GTSF1L: variants seen among roughly 807,000 people sequenced by gnomAD.
GTSF1L encodes the protein gametocyte specific factor 1 like.
A neutral mutation model predicts 1.1 loss-of-function variants in GTSF1L; 1 was observed. The ratio of observed to expected loss-of-function variants is 0.90; its 90% CI spans 0.32 to 4.28. GTSF1L has a LOEUF of 4.28. GTSF1L is among the 30% of genes most tolerant of loss of function. The pLI is 0.17. For synonymous variants in GTSF1L, 62 were observed against 69.3 expected (o/e 0.89, Z 0.53); for missense variants, 169 against 181.9 (o/e 0.93, Z 0.41).
Position 43,726,711 on chromosome 20 carries a change from A to C in GTSF1L, c.-17T>G. The C allele has an allele frequency of 6.5e-7, 1 of 1,527,428 alleles. No individual in the cohort carries two copies. The allele number at this position is 1,527,428 out of a possible 1,614,324, so 94.6% of individuals were successfully genotyped here. ...TGGCTCCATGAGAAATTCTTGAAGC[A>C]GGGTATCTCACTGCTAGAGTCTAAC... On this transcript the variant is annotated 5_prime_UTR_variant, in exon 1 of 1. Coordinates refer to ENST00000373003, the MANE Select transcript of GTSF1L (RefSeq NM_176791.4).
rs2068188560 is a variant in GTSF1L at position 43,726,950 on chromosome 20, A to C, written c.-256T>G. ...GGCACCCGAGACAGAACTATAGCAG[A>C]TGCAAGAGCCAAAAACCCACAGCCG... On this transcript the variant is annotated 5_prime_UTR_variant, in exon 1 of 1. Transcript: ENST00000373003. The C allele has an allele frequency of 2.7e-6, 1 of 371,512 alleles. No individual in the cohort carries two copies. Among genetic ancestry groups the C allele is most frequent in the Non-Finnish European group, 5.1e-6 (1 of 197,682 alleles). 23.0% of individuals were successfully genotyped at this position (371,512 alleles called of 1,614,324 possible).
Position 43,726,545 on chromosome 20 carries a change from C to T in GTSF1L, c.150G>A (p.Val50=), listed in dbSNP as rs777350574. Residue 50 remains valine (V), a synonymous_variant, in exon 1 of 1, where the codon GTG becomes GTA. Coordinates refer to ENST00000373003, the MANE Select transcript of GTSF1L (RefSeq NM_176791.4). ...GTTCCTCCAGATTTTTGATGGGGAC[C>T]ACGTGGCAGGCGTTGTATTTGCAGG... The part of the protein sequence containing the change: ...MATCKYNACH[V]VPIKNLEEHE... 1 of 1,613,888 alleles carries T rather than the reference C, an allele frequency of 6.2e-7. No individual in the cohort carries two copies. Among genetic ancestry groups the T allele is most frequent in the South Asian group, 1.1e-5 (1 of 91,048 alleles).
Position 43,726,482 on chromosome 20 carries a change from T to G in GTSF1L, c.213A>C (p.Glu71Asp). ...AVCVNRSAVE[E>D]EDTENPLKVS... Reference sequence around the variant, plus strand: ...CTTTCAGAGGGTTCTCGGTGTCCTCTTCTTCCACAGCGCTCCTGTTGACAC... The same window carrying G: ...CTTTCAGAGGGTTCTCGGTGTCCTCGTCTTCCACAGCGCTCCTGTTGACAC... Residue 71 changes from glutamate to aspartate, a missense_variant, in exon 1 of 1, where the codon GAA becomes GAC. Glu to Asp is a conservative substitution (Grantham distance 45). Coordinates refer to ENST00000373003, the MANE Select transcript of GTSF1L (RefSeq NM_176791.4). 6.2e-7 allele frequency: 1 copy of G among 1,614,094 alleles called. No homozygotes were observed.
At position 43,726,669 on chromosome 20, in the gene GTSF1L, C is replaced by A. The variant is rs1286759723; in HGVS notation, c.26G>T (p.Cys9Phe). The A allele has an allele frequency of 1.9e-6, 3 of 1,587,660 alleles. No individual in the cohort carries two copies. The highest frequency in any genetic ancestry group is 2.6e-6 in the Non-Finnish European group (3 of 1,167,400). MEPEAFEI[C>F]PYDPHHRIPL... ...GATTCGGTGGTGAGGATCATAAGGG[C>A]AAATTTCAAAGGCTTCTGGCTCCAT... Residue 9 changes from cysteine (C) to phenylalanine (F), a missense_variant, in exon 1 of 1, where the codon TGC becomes TTC. Physicochemically the swap from Cys to Phe is radical, Grantham distance 205. Transcript: ENST00000373003.
In GTSF1L at chr20:43,726,357, T is replaced by G; in HGVS notation, c.338A>C (p.His113Pro). 6.2e-7 allele frequency: 1 copy of G among 1,614,108 alleles called. No individual in the cohort carries two copies. The highest frequency in any genetic ancestry group is 8.5e-7 in the Non-Finnish European group (1 of 1,180,036). Residue 113 changes from histidine (H) to proline (P), a missense_variant, in exon 1 of 1, where the codon CAT becomes CCT. Coordinates refer to ENST00000373003, the MANE Select transcript of GTSF1L (RefSeq NM_176791.4). ...AAAAAAAGTCTTAAGGACAAACACA[T>G]GCTGGCAATTAGCGCCATCGACATT... ...IWNVDGANCQ[H>P]VFVLKTFFPQ...
At position 43,726,713 on chromosome 20, in the gene GTSF1L, G is replaced by T. The variant is rs993078254; in HGVS notation, c.-19C>A. The T allele has an allele frequency of 1.3e-6, 2 of 1,504,826 alleles. No homozygotes were observed. The highest frequency in any genetic ancestry group is 1.4e-5 in the African/African-American group (1 of 71,458). 93.2% of individuals were successfully genotyped at this position (1,504,826 alleles called of 1,614,324 possible). Reference sequence around the variant, plus strand: ...GCTCCATGAGAAATTCTTGAAGCAGGGTATCTCACTGCTAGAGTCTAACGG... The same window carrying T: ...GCTCCATGAGAAATTCTTGAAGCAGTGTATCTCACTGCTAGAGTCTAACGG... On this transcript the variant is annotated 5_prime_UTR_variant, in exon 1 of 1. Transcript: ENST00000373003.
Position 43,726,536 on chromosome 20 carries a change from G to C in GTSF1L, c.159C>G (p.Ile53Met). 2 of 1,614,006 alleles carry C rather than the reference G, an allele frequency of 1.2e-6. No homozygotes were observed. The highest frequency in any genetic ancestry group is 1.1e-5 in the South Asian group (1 of 91,054). ...CKYNACHVVP[I>M]KNLEEHEAVC... Reference sequence around the variant, plus strand: ...CAGCCTCATGTTCCTCCAGATTTTTGATGGGGACCACGTGGCAGGCGTTGT... The same window carrying C: ...CAGCCTCATGTTCCTCCAGATTTTTCATGGGGACCACGTGGCAGGCGTTGT... Residue 53 changes from isoleucine to methionine, a missense_variant, in exon 1 of 1, where the codon ATC becomes ATG. Ile to Met is a conservative substitution (Grantham distance 10). Coordinates refer to ENST00000373003, the MANE Select transcript of GTSF1L (RefSeq NM_176791.4).
rs1455213254 is a variant in GTSF1L, at chr20:43,726,468, T to G, written c.227A>C (p.Asn76Thr). 1 of 1,614,052 alleles carries G rather than the reference T, an allele frequency of 6.2e-7. No homozygotes were observed. Among genetic ancestry groups the G allele is most frequent in the Non-Finnish European group, 8.5e-7 (1 of 1,180,002 alleles). The change falls in exon 1 of 1, where the codon AAC (asparagine) becomes ACC (threonine). Residue 76 changes from asparagine to threonine, a missense_variant. Physicochemically the swap from Asn to Thr is moderately conservative, Grantham distance 65 (BLOSUM62 0). Transcript: ENST00000373003. The stretch of plus-strand genomic sequence containing the variant: ...ACTAGGAGGACTGACTTTCAGAGGG[T>G]TCTCGGTGTCCTCTTCTTCCACAGC... ...RSAVEEEDTE[N>T]PLKVSPPSSE...
chr20:43,726,318 AC>A lies in GTSF1L; in HGVS notation c.376del (p.Val126PhefsTer46). ...TGACTCTTTCGTGTCATTTTCACAA[AC>A]AACCTTTTGAGGAAAAAAAGTCTTA... ...VLKTFFPQKV[V>X]CENDTKESAR... On this transcript the variant is annotated frameshift_variant, in exon 1 of 1. Transcript: ENST00000373003. LOFTEE classifies it high-confidence loss of function. The A allele has an allele frequency of 6.2e-7, 1 of 1,614,182 alleles. No individual in the cohort carries two copies. Among genetic ancestry groups the A allele is most frequent in the Non-Finnish European group, 8.5e-7 (1 of 1,180,030 alleles).
At position 43,726,267 on chromosome 20, in the gene GTSF1L, A is replaced by T. The variant is rs1422492026; in HGVS notation, c.428T>A (p.Ile143Asn). The change falls in exon 1 of 1, where the codon ATC (isoleucine) becomes AAC (asparagine). Residue 143 changes from isoleucine to asparagine, a missense_variant. Coordinates refer to ENST00000373003, the MANE Select transcript of GTSF1L (RefSeq NM_176791.4). ...ESARETSPQK[I>N]LRPGQ ...GGCAGTTTACTGTCCTGGTCTGAGG[A>T]TCTTCTGGGGACTGGTCTCTCTTGC... The T allele has an allele frequency of 6.2e-7, 1 of 1,612,116 alleles. No individual in the cohort carries two copies. Among genetic ancestry groups the T allele is most frequent in the East Asian group, 2.2e-5 (1 of 44,878 alleles).
chr20:43,726,302 C>G lies in GTSF1L; in HGVS notation c.393G>C (p.Thr131=), dbSNP rs375809336. The change falls in exon 1 of 1, where the codon ACG becomes ACC. Residue 131 remains threonine (T), a synonymous_variant. Coordinates refer to ENST00000373003, the MANE Select transcript of GTSF1L (RefSeq NM_176791.4). The stretch of plus-strand genomic sequence containing the variant: ...GACTGGTCTCTCTTGCTGACTCTTT[C>G]GTGTCATTTTCACAAACAACCTTTT... The part of the protein sequence containing the change: ...FPQKVVCEND[T]KESARETSPQ... 3 of 1,614,084 alleles carry G rather than the reference C, an allele frequency of 1.9e-6. No homozygotes were observed. The East Asian group carries it at 6.7e-5, about 36-fold the overall frequency.
chr20:43,726,983 C>G lies in GTSF1L; in HGVS notation c.-289G>C, dbSNP rs2068188760. 3.3e-6 allele frequency: 1 copy of G among 303,320 alleles called. No individual in the cohort carries two copies. The allele number at this position is 303,320 out of a possible 1,614,324, so 18.8% of individuals were successfully genotyped here. A position where few individuals can be genotyped will look rare whatever the true frequency, so the allele number is the denominator to read the frequency against. On this transcript the variant is annotated 5_prime_UTR_variant, in exon 1 of 1. Transcript: ENST00000373003. ...GCCAAAAACCCACAGCCGCTTGACTCACGGATATACTATGATGTCAAGCTG... is the reference window on the plus strand; with the variant it reads ...GCCAAAAACCCACAGCCGCTTGACTGACGGATATACTATGATGTCAAGCTG...
Position 43,726,177 on chromosome 20 carries a change from T to A in GTSF1L, c.*71A>T, listed in dbSNP as rs2068178499. The A allele has an allele frequency of 8.9e-7, 1 of 1,125,760 alleles. No individual in the cohort carries two copies. Among genetic ancestry groups the A allele is most frequent in the African/African-American group, 1.6e-5 (1 of 64,110 alleles). 69.7% of individuals were successfully genotyped at this position (1,125,760 alleles called of 1,614,324 possible). Reference sequence around the variant, plus strand: ...AGCCCAGGGTAGTTTACTTTGCATGTCTTTTATTCTGATGCATTGCACGTT... The same window carrying A: ...AGCCCAGGGTAGTTTACTTTGCATGACTTTTATTCTGATGCATTGCACGTT... On this transcript the variant is annotated 3_prime_UTR_variant, in exon 1 of 1. Coordinates refer to ENST00000373003, the MANE Select transcript of GTSF1L (RefSeq NM_176791.4).
chr20:43,726,555 G>A lies in GTSF1L; in HGVS notation c.140C>T (p.Ala47Val). The A allele has an allele frequency of 1.9e-6, 3 of 1,614,034 alleles. No homozygotes were observed. The highest frequency in any genetic ancestry group is 1.1e-5 in the South Asian group (1 of 91,064). Residue 47 changes from alanine to valine, a missense_variant, in exon 1 of 1, where the codon GCC becomes GTC. Ala to Val is a moderately conservative substitution (Grantham distance 64, BLOSUM62 0). Transcript: ENST00000373003. Reference sequence around the variant, plus strand: ...ATTTTTGATGGGGACCACGTGGCAGGCGTTGTATTTGCAGGTGGCCATCTT... The same window carrying A: ...ATTTTTGATGGGGACCACGTGGCAGACGTTGTATTTGCAGGTGGCCATCTT... ...AKKMATCKYN[A>V]CHVVPIKNLE...
In GTSF1L at chr20:43,726,867, T is replaced by C; in HGVS notation, c.-173A>G. On this transcript the variant is annotated 5_prime_UTR_variant, in exon 1 of 1. Coordinates refer to ENST00000373003, the MANE Select transcript of GTSF1L (RefSeq NM_176791.4). ...GTTCTCTAGGACTGTGAGTGGTGGA[T>C]TAGAAGAGAGATGAGGAGCTGCCAA... The C allele has an allele frequency of 1.7e-6, 1 of 577,738 alleles. No individual in the cohort carries two copies. The highest frequency in any genetic ancestry group is 2.9e-5 in the East Asian group (1 of 34,240). 35.8% of individuals were successfully genotyped at this position (577,738 alleles called of 1,614,324 possible).
Position 43,726,700 on chromosome 20 carries a change from A to C in GTSF1L, c.-6T>G. 1 of 1,548,778 alleles carries C rather than the reference A, an allele frequency of 6.5e-7. No individual in the cohort carries two copies. Among genetic ancestry groups the C allele is most frequent in the Non-Finnish European group, 8.7e-7 (1 of 1,149,486 alleles). ...TCAAAGGCTTCTGGCTCCATGAGAA[A>C]TTCTTGAAGCAGGGTATCTCACTGC... On this transcript the variant is annotated 5_prime_UTR_variant, in exon 1 of 1. Transcript: ENST00000373003.
At position 43,726,986 on chromosome 20, in the gene GTSF1L, G is replaced by A. The variant is rs1208357736; in HGVS notation, c.-292C>T. The A allele has an allele frequency of 1.7e-5, 5 of 297,738 alleles. No individual in the cohort carries two copies. Among genetic ancestry groups the A allele is most frequent in the Middle Eastern group, 1.1e-3 (1 of 940 alleles). The allele number at this position is 297,738 out of a possible 1,614,324, so 18.4% of individuals were successfully genotyped here. ...AAAAACCCACAGCCGCTTGACTCAC[G>A]GATATACTATGATGTCAAGCTGCAG... On this transcript the variant is annotated 5_prime_UTR_variant, in exon 1 of 1. Transcript: ENST00000373003.
rs773261806 is a variant in GTSF1L, at chr20:43,726,472, C to T, written c.223G>A (p.Glu75Lys). 56 of 1,614,006 alleles carry T rather than the reference C, an allele frequency of 3.5e-5. No homozygotes were observed. Among genetic ancestry groups the T allele is most frequent in the South Asian group, 1.3e-4 (12 of 91,062 alleles). Residue 75 changes from glutamate to lysine, a missense_variant, in exon 1 of 1, where the codon GAG becomes AAG. Transcript: ENST00000373003. Reference protein sequence around the residue: ...NRSAVEEEDTENPLKVSPPSS... With the variant: ...NRSAVEEEDTKNPLKVSPPSS... ...GGAGGACTGACTTTCAGAGGGTTCT[C>T]GGTGTCCTCTTCTTCCACAGCGCTC...
At position 43,726,932 on chromosome 20, in the gene GTSF1L, G is replaced by A. The variant is rs1337783940; in HGVS notation, c.-238C>T. The A allele has an allele frequency of 9.1e-6, 4 of 439,622 alleles. No individual in the cohort carries two copies. Among genetic ancestry groups the A allele is most frequent in the Admixed American group, 8.2e-5 (2 of 24,342 alleles). 27.2% of individuals were successfully genotyped at this position (439,622 alleles called of 1,614,324 possible). On this transcript the variant is annotated 5_prime_UTR_variant, in exon 1 of 1. Transcript: ENST00000373003. ...AGAACAGAGTTAGCAAATGGCACCC[G>A]AGACAGAACTATAGCAGATGCAAGA...
Sources: gnomAD v4.1 joint callset for allele counts on GRCh38, gnomAD v4.1.1 for gene constraint, MANE v1.5 for transcripts, NCBI Gene and HGNC (gene_info 2026-07-23, HGNC 2026-07-21) for gene names.